Variants in LIMCH1 observed in about 807,000 individuals in gnomAD.
The protein encoded by LIMCH1 is LIM and calponin homology domains 1, also known as LIM and calponin homology domains-containing protein 1.
A neutral mutation model predicts 176.5 loss-of-function variants in LIMCH1; 113 were observed. The observed-to-expected ratio is 0.64, with a 90% CI of 0.55 to 0.75. The LOEUF is 0.75. LIMCH1 is among the 30% of genes least tolerant of loss of function. The probability of loss-of-function intolerance (pLI) is 0.00; values close to 1 mark genes in which losing one functional copy is unlikely to be tolerated. For missense variants in LIMCH1, 1,674 were observed against 1,814.9 expected, an observed-to-expected ratio of 0.92 and a Z score of 1.41; for synonymous variants, 619 against 645.9, an observed-to-expected ratio of 0.96 and a Z score of 0.63.
At chr4:41,364,097 G>A (rs1371867426) in intron 1 of LIMCH1, among the ~76,000 whole-genome samples, 1 of 152,070 alleles carries the variant, frequency 6.6e-6, no homozygotes, top group African/African-American at 2.4e-5. Context: ...TGATTTCTTT[G>A]GAAGATAGCT....
chr4:41,573,517 T>C (rs947527665), intron 1 of LIMCH1, among the ~76,000 whole-genome samples: 3 of 152,192 alleles, frequency 2.0e-5, no homozygotes, highest in Non-Finnish European at 4.4e-5. Context: ...TGGACCTTGA[T>C]CATGAGGACT....
rs547829502 is a variant in LIMCH1 at position 41,502,645 on chromosome 4, C to T, written c.167+8039C>T. Among the ~76,000 whole-genome samples the T allele has an allele frequency of 7.2e-5, 11 of 152,266 alleles. No homozygotes were observed. In the South Asian group the frequency reaches 2.1e-3, roughly 29 times the overall value. ...CTCATTGTGGTTTTGATTTGCATTTCTCTAATCATCCGTGATGTTGAGCTT... is the reference window on the plus strand; with the variant it reads ...CTCATTGTGGTTTTGATTTGCATTTTTCTAATCATCCGTGATGTTGAGCTT... On this transcript the variant is annotated intron_variant, in intron 2 of 26. Coordinates refer to the LIMCH1 transcript ENST00000313860.
chr4:41,423,640 G>C lies in LIMCH1; in HGVS notation c.96+62704G>C, dbSNP rs764381934. 5.5e-4 allele frequency among the ~76,000 whole-genome samples: 83 copies of C among 152,196 alleles called. 1 individual carries two copies. Among genetic ancestry groups the C allele is most frequent in the Non-Finnish European group, 8.7e-4 (59 of 68,008 alleles). On this transcript the variant is annotated intron_variant, in intron 1 of 26. Transcript: ENST00000313860. Reference sequence around the variant, plus strand: ...CTGCCTTCTCCAAGCCTATAGCCTGGGGGAGAGTGAGGGTGGGACCAAAAG... The same window carrying C: ...CTGCCTTCTCCAAGCCTATAGCCTGCGGGAGAGTGAGGGTGGGACCAAAAG...
intron 1 of LIMCH1, among the ~76,000 whole-genome samples, chr4:41,479,403 C>G (rs1289306611): frequency 6.6e-6 from 1 of 152,156 alleles, no homozygotes; most frequent in African/African-American, 2.4e-5. Flanking sequence ...ATGCATGTAC[C>G]ACCACACCCG....
chr4:41,647,035 G>T (rs1229258456), intron 17 of LIMCH1, 142 bp downstream of exon 17: 1 of 801,492 alleles, frequency 1.2e-6, no homozygotes, highest in Non-Finnish European at 1.9e-6. Context: ...AAAGTCATAG[G>T]TCTCTGGAGA....
intron 1 of LIMCH1, among the ~76,000 whole-genome samples, chr4:41,462,020 C>A (rs963721267): frequency 1.3e-5 from 2 of 152,080 alleles, no homozygotes; most frequent in Non-Finnish European, 2.9e-5. Context: ...GCCAGTGTTG[C>A]CAAAGGGGCT....
At chr4:41,563,931 CT>C (rs1322266808) in intron 1 of LIMCH1, among the ~76,000 whole-genome samples, 3 of 152,150 alleles carry the variant, frequency 2.0e-5, no homozygotes, top group Non-Finnish European at 4.4e-5. Flanking sequence ...TGTTGGACTT[CT>C]TAGCAGTCCT....
chr4:41,624,313 G>C (rs976939679), intron 7 of LIMCH1, among the ~76,000 whole-genome samples: 1 of 151,994 alleles, frequency 6.6e-6, no homozygotes, highest in African/African-American at 2.4e-5. Flanking sequence ...GGGTGTGGGG[G>C]CGTAAAAAAA....
At chr4:41,577,518 C>G (rs2084687184) in intron 1 of LIMCH1, among the ~76,000 whole-genome samples, 1 of 152,126 alleles carries the variant, frequency 6.6e-6, no homozygotes, top group African/African-American at 2.4e-5. Context: ...CAGCCTCAAC[C>G]CTTTAGGCCC....
chr4:41,697,147 GT>G lies in LIMCH1; in HGVS notation c.4379-9del. 6.2e-7 allele frequency: 1 copy of G among 1,613,326 alleles called. No individual in the cohort carries two copies. Among genetic ancestry groups the G allele is most frequent in the Non-Finnish European group, 8.5e-7 (1 of 1,179,434 alleles). ...CTACCACTCTTGTTTGTTGTTGTTTGTTTTAATCACAGGTGCCGGGCAGCCT... is the reference window on the plus strand; with the variant it reads ...CTACCACTCTTGTTTGTTGTTGTTTGTTTAATCACAGGTGCCGGGCAGCCT... On this transcript the variant is annotated splice_polypyrimidine_tract_variant and intron_variant, in intron 31 of 31. Coordinates refer to ENST00000503057, the MANE Select transcript of LIMCH1 (RefSeq NM_001330672.2).
At chr4:41,669,482 T>G (rs913692517) in intron 21 of LIMCH1, among the ~76,000 whole-genome samples, 1 of 152,180 alleles carries the variant, frequency 6.6e-6, no homozygotes, top group African/African-American at 2.4e-5. Flanking sequence ...CTGTAGGGCT[T>G]GGAGCCCACT....
At chr4:41,407,913 C>T (rs1404073867) in intron 1 of LIMCH1, among the ~76,000 whole-genome samples, 1 of 152,078 alleles carries the variant, frequency 6.6e-6, no homozygotes, top group African/African-American at 2.4e-5. Flanking sequence ...CAACTAAGTG[C>T]GTATTGCTGG....
chr4:41,679,803 T>G (rs575141467), intron 23 of LIMCH1, among the ~76,000 whole-genome samples: 33 of 152,214 alleles, frequency 2.2e-4, no homozygotes, highest in Non-Finnish European at 4.3e-4. Flanking sequence ...CAGAAAATAC[T>G]GCTGTCCATT....
intron 1 of LIMCH1, among the ~76,000 whole-genome samples, chr4:41,597,231 C>T (rs769221426): frequency 5.6e-4 from 85 of 152,256 alleles, no homozygotes; most frequent in Middle Eastern, 6.8e-3. Flanking sequence ...TTTGCACCTC[C>T]ATCGTTTGGG....
chr4:41,571,340 C>G (rs1584284779), intron 1 of LIMCH1, among the ~76,000 whole-genome samples: 1 of 152,090 alleles, frequency 6.6e-6, no homozygotes, highest in Non-Finnish European at 1.5e-5. Flanking sequence ...GGAGAGACTT[C>G]TTTTGTCCTC....
At chr4:41,645,221 G>A (rs542170804) in intron 15 of LIMCH1, among the ~76,000 whole-genome samples, 4 of 152,308 alleles carry the variant, frequency 2.6e-5, no homozygotes, top group East Asian at 3.9e-4. Flanking sequence ...GAGCCAAAGC[G>A]GGGAGAGAGG....
intron 1 of LIMCH1, among the ~76,000 whole-genome samples, chr4:41,561,009 C>T (rs923864824): frequency 3.3e-5 from 5 of 152,112 alleles, no homozygotes; most frequent in Middle Eastern, 3.4e-3. Context: ...AGAGTGAGAC[C>T]GTGTCTCAAA....
upstream of LIMCH1, among the ~76,000 whole-genome samples, chr4:41,534,804 A>C (rs1313620284): frequency 2.6e-5 from 4 of 152,094 alleles, no homozygotes; most frequent in African/African-American, 9.7e-5. Flanking sequence ...ATATGGAGAA[A>C]GGAGTGAAAA....
At position 41,650,400 on chromosome 4, in the gene LIMCH1, G is replaced by A. The variant is rs754168834; in HGVS notation, c.2828G>A (p.Gly943Glu). The change falls in exon 18 of 32, where the codon GGG (glycine) becomes GAG (glutamate). Residue 943 changes from glycine to glutamate, a missense_variant. This residue lies in a region of LIMCH1 where 1,015 missense variants were observed against 1,102.5 expected (regional missense o/e 0.92). Transcript: ENST00000503057. Reference protein sequence around the residue: ...QDVLKTFKVDGKVSVNGETVH... With the variant: ...QDVLKTFKVDEKVSVNGETVH... The stretch of plus-strand genomic sequence containing the variant: ...TCATTCTGGCTTTTATAGGTAGACG[G>A]GAAAGTCAGTGTGAATGGAGAGACG... The A allele has an allele frequency of 1.9e-6, 3 of 1,613,616 alleles. No individual in the cohort carries two copies. The highest frequency in any genetic ancestry group is 2.2e-5 in the East Asian group (1 of 44,888).
Sources: allele counts gnomAD v4.1 joint callset (sites outside exome capture counted in the v4.1 genomes callset), GRCh38; gene constraint gnomAD v4.1.1; regional missense constraint gnomAD v4.1.1; transcripts MANE v1.5; gene names NCBI Gene and HGNC (gene_info 2026-07-23, HGNC 2026-07-21).